The following HAUS8 variants were observed in gnomAD, a reference collection of about 807,000 sequenced individuals.
HAUS8 encodes the protein HAUS augmin like complex subunit 8.
Under a neutral mutation model 42.9 loss-of-function variants are expected in HAUS8, and 38 were observed. The observed-to-expected ratio is 0.89, with a 90% confidence interval of 0.68 to 1.16. The LOEUF (loss-of-function observed/expected upper bound fraction) is 1.16, where lower values mean the gene tolerates loss of function less well. Ranked by LOEUF, HAUS8 falls within the 50% of genes most tolerant of loss-of-function variation. The probability of loss-of-function intolerance (pLI) is 0.00; values close to 1 mark genes in which losing one functional copy is unlikely to be tolerated. For synonymous variants in HAUS8, 199 were observed against 205.8 expected (o/e 0.97, Z 0.28); for missense variants, 494 against 511.6 (o/e 0.97, Z 0.33).
intron 8 of HAUS8, 78 bp from the exon 9 acceptor site, chr19:17,056,080 C>T: frequency 1.4e-6 from 2 of 1,401,336 alleles, no homozygotes; most frequent in Middle Eastern, 1.8e-4. Context: ...ACGGCTTGTG[C>T]AGGGTTAAGA....
At chr19:17,074,642 G>GCT (rs2057454200) in intron 1 of HAUS8, 1 of 152,514 alleles carries the variant, frequency 6.6e-6, no homozygotes, top group Non-Finnish European at 1.5e-5. Context: ...TGCGACCTGA[G>GCT]GGGGGTCCCT....
intron 3 of HAUS8, among the ~76,000 whole-genome samples, chr19:17,067,906 C>T (rs891909463): frequency 6.6e-6 from 1 of 152,102 alleles, no homozygotes; most frequent in Admixed American, 6.6e-5. Flanking sequence ...CTACTGATTG[C>T]TCCCACGAAC....
chr19:17,051,487 G>A (rs1214673404), intron 10 of HAUS8, among the ~76,000 whole-genome samples: 1 of 151,722 alleles, frequency 6.6e-6, no homozygotes, highest in African/African-American at 2.4e-5. Context: ...TTTAAGATCT[G>A]GGCCATTTCT....
intron 3 of HAUS8, 124 bp downstream of exon 3, chr19:17,068,907 T>C: frequency 2.5e-6 from 2 of 813,914 alleles, no homozygotes; most frequent in South Asian, 1.5e-5. Context: ...AGCACCTGAG[T>C]GAAGATCCCA....
intron 8 of HAUS8, among the ~76,000 whole-genome samples, chr19:17,056,275 C>T (rs774162770): frequency 1.6e-4 from 25 of 152,174 alleles, no homozygotes; most frequent in Admixed American, 7.9e-4. Flanking sequence ...TAGAGTACTG[C>T]GCCTAAACGC....
Position 17,053,094 on chromosome 19 carries a change from A to G in HAUS8, c.788-128T>C, listed in dbSNP as rs1276845733. On this transcript the variant is annotated intron_variant, in intron 9 of 10. Transcript: ENST00000253669. ...CGCGCTGGAACCGTGGAGAGCGCAC[A>G]GGGAAGAAGCAGAAGCCAAGGAAGA... 6 of 1,089,188 alleles carry G rather than the reference A, an allele frequency of 5.5e-6. No individual in the cohort carries two copies. The South Asian group carries it at 5.8e-5, about 11-fold the overall frequency. 67.5% of individuals were successfully genotyped at this position (1,089,188 alleles called of 1,614,324 possible). A position where few individuals can be genotyped will look rare whatever the true frequency, so the allele number is the denominator to read the frequency against.
At chr19:17,075,467 GCCGGACCC>G, upstream of HAUS8, 1 of 1,609,768 alleles carries the variant, frequency 6.2e-7, no homozygotes, top group Non-Finnish European at 8.5e-7. Flanking sequence ...GCTTTTCAAA[GCCGGACCC>G]GCCCCCTTGC....
intron 3 of HAUS8, among the ~76,000 whole-genome samples, chr19:17,063,165 ACTGGC>A (rs1250452439): frequency 6.6e-6 from 1 of 152,242 alleles, no homozygotes; most frequent in African/African-American, 2.4e-5. Context: ...CACATGGAGC[ACTGGC>A]CTTCTAATAA....
At chr19:17,059,841 A>T (rs1044965415) in intron 5 of HAUS8, among the ~76,000 whole-genome samples, 156 bp downstream of exon 5, 2 of 152,152 alleles carry the variant, frequency 1.3e-5, no homozygotes, top group Non-Finnish European at 2.9e-5. Context: ...AATACCCTTT[A>T]CCAAGGTATT....
Position 17,060,020 on chromosome 19 carries a change from T to C in HAUS8, c.302A>G (p.Asp101Gly), listed in dbSNP as rs1224341038. The change falls in exon 5 of 11, where the codon GAC (aspartate) becomes GGC (glycine). Residue 101 changes from aspartate (D) to glycine (G), a missense_variant. Transcript: ENST00000253669. Reference sequence around the variant, plus strand: ...ACCATTAATAGCAGAGAGATCCAGGTCAGGTGGAGCTGTGCCATGCCCTTC... The same window carrying C: ...ACCATTAATAGCAGAGAGATCCAGGCCAGGTGGAGCTGTGCCATGCCCTTC... The part of the protein sequence containing the change: ...LLEGHGTAPP[D>G]LDLSAINDKS... 1 of 1,612,682 alleles carries C rather than the reference T, an allele frequency of 6.2e-7. No individual in the cohort carries two copies. Among genetic ancestry groups the C allele is most frequent in the Non-Finnish European group, 8.5e-7 (1 of 1,178,908 alleles).
At chr19:17,062,006 G>T (rs1179242244) in intron 4 of HAUS8, among the ~76,000 whole-genome samples, 1 of 152,196 alleles carries the variant, frequency 6.6e-6, no homozygotes, top group African/African-American at 2.4e-5. Context: ...TAGCTCATAG[G>T]CCAAATCCAG....
At chr19:17,059,417 T>TA in intron 6 of HAUS8, 140 bp downstream of exon 6, 1 of 630,606 alleles carries the variant, frequency 1.6e-6, no homozygotes, top group South Asian at 1.9e-5. Flanking sequence ...AGAACATCTG[T>TA]AGTCTTGATT....
chr19:17,056,929 G>A (rs1164730621), intron 8 of HAUS8, among the ~76,000 whole-genome samples: 1 of 152,140 alleles, frequency 6.6e-6, no homozygotes, highest in East Asian at 1.9e-4. Flanking sequence ...GCCCAAGGTG[G>A]AGTGCTGTGG....
intron 6 of HAUS8, among the ~76,000 whole-genome samples, chr19:17,059,183 A>G (rs1421973964): frequency 2.0e-5 from 3 of 152,182 alleles, no homozygotes; most frequent in Admixed American, 6.5e-5. Context: ...CAGGACCAGA[A>G]TGCCGTCTCC....
chr19:17,063,016 T>C (rs16981580), intron 3 of HAUS8, among the ~76,000 whole-genome samples: 22,188 of 152,304 alleles, frequency 0.15, 1,877 homozygotes, highest in Non-Finnish European at 0.2. Context: ...ATTATTGACA[T>C]GGTAGATTAC....
intron 8 of HAUS8, 116 bp downstream of exon 8, chr19:17,058,433 A>G: frequency 9.6e-7 from 1 of 1,046,144 alleles, no homozygotes. Flanking sequence ...TAAAAGCCCA[A>G]CACAGTTAGA....
chr19:17,053,188 T>A, intron 9 of HAUS8: 1 of 582,464 alleles, frequency 1.7e-6, no homozygotes. Context: ...CAGGAGGGCA[T>A]TGGACCAGAA....
Position 17,066,467 on chromosome 19 carries a change from G to A in HAUS8, c.147+2564C>T, listed in dbSNP as rs530005279. On this transcript the variant is annotated intron_variant, in intron 3 of 10. Transcript: ENST00000253669. Reference sequence around the variant, plus strand: ...TCCTTGAGTTCTGTGAGTCACTCCTGCAAATTAACTGAACCCAAAGAGGGG... The same window carrying A: ...TCCTTGAGTTCTGTGAGTCACTCCTACAAATTAACTGAACCCAAAGAGGGG... Among the ~76,000 whole-genome samples, 7 of 152,236 alleles carry A rather than the reference G, an allele frequency of 4.6e-5. No individual in the cohort carries two copies. The East Asian group carries it at 1.2e-3, about 25-fold the overall frequency.
Position 17,052,328 on chromosome 19 carries a change from T to G in HAUS8, c.929+497A>C, listed in dbSNP as rs533149154. On this transcript the variant is annotated intron_variant, in intron 10 of 10. Transcript: ENST00000253669. ...TTCCCCCTGCTCTGCTTGAGTCTTA[T>G]ACTCTGTGAATCTAGGACACGTCTT... is the stretch of plus-strand genomic sequence containing the variant. 18 of 155,970 alleles carry G rather than the reference T, an allele frequency of 1.2e-4. 1 individual carries two copies. In the South Asian group the frequency reaches 3.1e-3, roughly 27 times the overall value. The allele number at this position is 155,970 out of a possible 1,614,324, so 9.7% of individuals were successfully genotyped here.
Sources: gnomAD v4.1 joint callset for allele counts (sites outside exome capture counted in the v4.1 genomes callset) on GRCh38, gnomAD v4.1.1 for gene constraint, MANE v1.5 for transcripts, NCBI Gene and HGNC (gene_info 2026-07-23, HGNC 2026-07-21) for gene names.